LINGO2: variants seen among roughly 807,000 people sequenced by gnomAD.
LINGO2 encodes the protein leucine rich repeat and Ig domain containing 2.
In LINGO2, 14 loss-of-function variants were observed where a neutral mutation model predicts 30.6. The ratio of observed to expected loss-of-function variants is 0.46; its 90% confidence interval spans 0.30 to 0.72. The LOEUF (loss-of-function observed/expected upper bound fraction) is 0.72. Among genes scored for constraint, LINGO2 ranks in the 30% least tolerant of loss-of-function variants. LINGO2 has a pLI of 0.07. For synonymous variants in LINGO2, 317 were observed against 288.5 expected (o/e 1.10, Z -1.00); for missense variants, 729 against 751.7 (o/e 0.97, Z 0.35).
intron 1 of LINGO2, among the ~76,000 whole-genome samples, chr9:28,545,680 C>G (rs1821901071): frequency 6.6e-6 from 1 of 151,940 alleles, no homozygotes; most frequent in East Asian, 1.9e-4. Context: ...TTTAGTGGTC[C>G]TTAGGTGCTA....
the LINGO2 span, among the ~76,000 whole-genome samples, chr9:29,189,995 G>GA: frequency 7.0e-6 from 1 of 142,472 alleles, no homozygotes; most frequent in Non-Finnish European, 1.5e-5. Context: ...ATCAGAGGGA[G>GA]ACCGTGGAAA....
At chr9:28,195,355 A>G (rs1006739672) in intron 4 of LINGO2, among the ~76,000 whole-genome samples, 1 of 135,258 alleles carries the variant, frequency 7.4e-6, no homozygotes, top group Non-Finnish European at 1.7e-5. Context: ...AAAAAATTCA[A>G]GAAAGTTGCC....
intron 2 of LINGO2, among the ~76,000 whole-genome samples, chr9:28,404,115 TAC>T (rs1822391041): frequency 6.6e-6 from 1 of 152,162 alleles, no homozygotes; most frequent in Admixed American, 6.6e-5. Flanking sequence ...TCTTTGCTAA[TAC>T]ACATTCATAA....
chr9:28,048,692 G>C (rs1228033664), intron 4 of LINGO2, among the ~76,000 whole-genome samples: 3 of 150,478 alleles, frequency 2.0e-5, no homozygotes, highest in Non-Finnish European at 4.4e-5. Context: ...GATGCCAAAA[G>C]GCTGAAAATA....
intron 4 of LINGO2, among the ~76,000 whole-genome samples, chr9:28,104,266 G>GTTTTTTTTTTGT (rs1826509192): frequency 1.0e-5 from 1 of 97,428 alleles, no homozygotes; most frequent in Non-Finnish European, 1.9e-5. Flanking sequence ...TTTTTTGTTT[G>GTTTTTTTTTTGT]TTTTTTTTTT....
chr9:28,516,851 A>G (rs1418886493), intron 1 of LINGO2, among the ~76,000 whole-genome samples: 1 of 152,194 alleles, frequency 6.6e-6, no homozygotes, highest in Non-Finnish European at 1.5e-5. Flanking sequence ...GCCAGACTCT[A>G]TGAGATATCT....
the LINGO2 span, among the ~76,000 whole-genome samples, chr9:28,824,263 A>G: frequency 3.3e-5 from 5 of 152,158 alleles, no homozygotes; most frequent in African/African-American, 1.2e-4. Flanking sequence ...ACAGAACTTC[A>G]GGAGTGTGGA....
At chr9:29,013,762 G>A in the LINGO2 span, among the ~76,000 whole-genome samples, 2 of 152,116 alleles carry the variant, frequency 1.3e-5, no homozygotes, top group Middle Eastern at 6.8e-3. Flanking sequence ...TATTTCCAGT[G>A]GGAAAACAGA....
At chr9:28,436,624 A>G (rs10812824) in intron 2 of LINGO2, among the ~76,000 whole-genome samples, 20,614 of 151,732 alleles carry the variant, frequency 0.14, 1,594 homozygotes, top group East Asian at 0.34. Flanking sequence ...CGACCGGCTA[A>G]TTTTTTGTAT....
At chr9:28,363,668 G>C (rs898919415) in intron 3 of LINGO2, among the ~76,000 whole-genome samples, 19 of 151,730 alleles carry the variant, frequency 1.3e-4, no homozygotes, top group Non-Finnish European at 7.4e-5. Context: ...ATTAGTCAAG[G>C]CTAGATGCAC....
At position 28,148,709 on chromosome 9, in the gene LINGO2, T is replaced by C; in HGVS notation, c.-86-136304A>G. 2.6e-6 allele frequency: 4 copies of C among 1,533,682 alleles called. No individual in the cohort carries two copies. The highest frequency in any genetic ancestry group is 3.5e-6 in the Non-Finnish European group (4 of 1,146,090). On this transcript the variant is annotated intron_variant, in intron 4 of 5. Coordinates refer to ENST00000379992, the Ensembl canonical transcript of LINGO2. The surrounding 1 kb of genome is among the most constrained non-coding windows in gnomAD (Gnocchi z 5.1). ...CTCCAACGGCCATGGAGTCGCCAGT[T>C]CACACAGCCCTGCTGGAGGCATCCT... is the stretch of plus-strand genomic sequence containing the variant.
At chr9:27,984,989 G>C (rs2118957660) in intron 5 of LINGO2, among the ~76,000 whole-genome samples, 1 of 151,748 alleles carries the variant, frequency 6.6e-6, no homozygotes, top group Admixed American at 6.6e-5. Flanking sequence ...GGAAGAGGTT[G>C]AACTGAAGTA....
intron 4 of LINGO2, among the ~76,000 whole-genome samples, chr9:28,028,694 T>TA (rs1362954617): frequency 6.6e-6 from 1 of 152,170 alleles, no homozygotes; most frequent in Non-Finnish European, 1.5e-5. Context: ...CTTGTAACAT[T>TA]AAAACAATAT....
intron 1 of LINGO2, among the ~76,000 whole-genome samples, chr9:28,550,918 C>G (rs1358927770): frequency 1.3e-5 from 2 of 151,516 alleles, no homozygotes. Flanking sequence ...TAAATATGTA[C>G]AAAAGAATGA....
upstream of LINGO2, among the ~76,000 whole-genome samples, chr9:28,672,058 A>G (rs190095355): frequency 4.0e-3 from 614 of 152,244 alleles, 4 homozygotes; most frequent in African/African-American, 0.014. Flanking sequence ...TTTATAGCCA[A>G]ATAAATTCAG....
chr9:28,434,874 G>A (rs1026103995), intron 2 of LINGO2, among the ~76,000 whole-genome samples: 5 of 152,028 alleles, frequency 3.3e-5, no homozygotes, highest in South Asian at 2.1e-4. Context: ...AAAAGAAGAA[G>A]GAGGAAAAAT....
the LINGO2 span, among the ~76,000 whole-genome samples, chr9:28,711,131 T>A: frequency 2.0e-5 from 3 of 152,192 alleles, no homozygotes; most frequent in East Asian, 1.9e-4. Context: ...GGTAAAAAAA[T>A]GTATTTATTA....
At position 27,953,692 on chromosome 9, in the gene LINGO2, A is replaced by G. The variant is rs577136630; in HGVS notation, c.-35-2986T>C. ...GATGTGTTTGCTTCCCCCTTCAGTC[A>G]TAAGTTTCCTGAGGCCTCCCCAGCC... On this transcript the variant is annotated intron_variant, in intron 5 of 5. Coordinates refer to ENST00000379992, the Ensembl canonical transcript of LINGO2. 2.0e-5 allele frequency among the ~76,000 whole-genome samples: 3 copies of G among 152,112 alleles called. No homozygotes were observed. The South Asian group carries it at 6.2e-4, about 32-fold the overall frequency.
chr9:29,023,837 G>A, the LINGO2 span, among the ~76,000 whole-genome samples: 41 of 152,054 alleles, frequency 2.7e-4, 2 homozygotes, highest in East Asian at 2.5e-3. Context: ...AAATTATATC[G>A]GAAGCTATAT....
Sources: allele counts gnomAD v4.1 joint callset (sites outside exome capture counted in the v4.1 genomes callset), GRCh38; gene constraint gnomAD v4.1.1; non-coding constraint Gnocchi (gnomAD v3.1); transcripts MANE v1.5; gene names NCBI Gene and HGNC (gene_info 2026-07-23, HGNC 2026-07-21).